ZNF101: variants seen among roughly 807,000 people sequenced by gnomAD.
ZNF101 encodes zinc finger protein 101 (Y2).
A neutral mutation model predicts 42.6 loss-of-function variants in ZNF101; 34 were observed. The ratio of observed to expected loss-of-function variants is 0.80; its 90% CI spans 0.61 to 1.06. The LOEUF is 1.06. Ranked by LOEUF, ZNF101 falls within the 50% of genes least tolerant of loss-of-function variation. The probability of loss-of-function intolerance (pLI) is 0.00; values close to 1 mark genes in which losing one functional copy is unlikely to be tolerated. For missense variants in ZNF101, 466 were observed against 530.9 expected (o/e 0.88, Z 1.20); for synonymous variants, 158 against 183.9 (o/e 0.86, Z 1.14).
chr19:19,683,126 A>T lies in ZNF101; in HGVS notation c.*2826A>T, dbSNP rs1047302861. ...GGCCCATGAGTCTTTATTAATAGAG[A>T]TTTCTTACTGGTGTTATGTGGCAGA... is the stretch of plus-strand genomic sequence containing the variant. On this transcript the variant is annotated 3_prime_UTR_variant, in exon 4 of 4. Transcript: ENST00000592502. 1 of 151,982 alleles carries T rather than the reference A, an allele frequency of 6.6e-6. No individual in the cohort carries two copies. Among genetic ancestry groups the T allele is most frequent in the East Asian group, 1.9e-4 (1 of 5,176 alleles). The allele number at this position is 151,982 out of a possible 1,614,324, so 9.4% of individuals were successfully genotyped here. A position where few individuals can be genotyped will look rare whatever the true frequency, so the allele number is the denominator to read the frequency against.
chr19:19,668,760 G>T (rs2062148803), upstream of ZNF101: 1 of 571,686 alleles, frequency 1.7e-6, no homozygotes, highest in South Asian at 2.5e-5. Context: ...GCGCTGTGCG[G>T]CAAACTGTCC....
In ZNF101 at chr19:19,679,797, A is replaced by G. The variant is rs571746645; in HGVS notation, c.808A>G (p.Thr270Ala). ...KAFISAGYLR[T>A]HEIRSHALEK... ...CTTCATTTCCGCAGGTTACCTTCGG[A>G]CACATGAAATCAGATCTCACGCGCT... The change falls in exon 4 of 4, where the codon ACA becomes GCA. Residue 270 changes from threonine to alanine, a missense_variant. Physicochemically the swap from Thr to Ala is moderately conservative, Grantham distance 58. Coordinates refer to ENST00000592502, the MANE Select transcript of ZNF101 (RefSeq NM_033204.4). 6.2e-7 allele frequency: 1 copy of G among 1,613,736 alleles called. No homozygotes were observed. The highest frequency in any genetic ancestry group is 2.2e-5 in the East Asian group (1 of 44,842).
In ZNF101 at chr19:19,682,434, T is replaced by A. The variant is rs1419708576; in HGVS notation, c.*2134T>A. On this transcript the variant is annotated 3_prime_UTR_variant, in exon 4 of 4. Coordinates refer to ENST00000592502, the MANE Select transcript of ZNF101 (RefSeq NM_033204.4). ...CAGGGTTTTTCCACATTGGCCAGGC[T>A]GGTCTTGAACTCCTGACCTCAAGGA... 6.6e-6 allele frequency: 1 copy of A among 152,164 alleles called. No homozygotes were observed. Among genetic ancestry groups the A allele is most frequent in the Non-Finnish European group, 1.5e-5 (1 of 68,040 alleles). 9.4% of individuals were successfully genotyped at this position (152,164 alleles called of 1,614,324 possible).
rs2062229786 is a variant in ZNF101 at position 19,680,021 on chromosome 19, T to C, written c.1032T>C (p.Gly344=). 1 of 1,614,098 alleles carries C rather than the reference T, an allele frequency of 6.2e-7. No individual in the cohort carries two copies. Among genetic ancestry groups the C allele is most frequent in the African/African-American group, 1.3e-5 (1 of 75,032 alleles). Residue 344 remains glycine, a synonymous_variant, in exon 4 of 4, where the codon GGT becomes GGC. Transcript: ENST00000592502. ...GACCTTATGAATGTAATAAATGTGG[T>C]AAAACCTTCAATTATCCCAGTTGTT... ...GERPYECNKC[G]KTFNYPSCFR...
chr19:19,678,280 T>C (rs1489588218), intron 2 of ZNF101, among the ~76,000 whole-genome samples: 1 of 150,518 alleles, frequency 6.6e-6, no homozygotes, highest in Non-Finnish European at 1.5e-5. Flanking sequence ...CTCATGCCTA[T>C]AATCCCAGCA....
rs1407147189 is a variant in ZNF101, at chr19:19,681,837, A to G, written c.*1537A>G. The G allele has an allele frequency of 6.6e-6, 1 of 152,124 alleles. No homozygotes were observed. Among genetic ancestry groups the G allele is most frequent in the Non-Finnish European group, 1.5e-5 (1 of 68,036 alleles). 9.4% of individuals were successfully genotyped at this position (152,124 alleles called of 1,614,324 possible). ...GCCTGATGCAAATTAATTATTATAT[A>G]ATGCTCAAAAACTTAATCATGAATG... On this transcript the variant is annotated 3_prime_UTR_variant, in exon 4 of 4. Transcript: ENST00000592502.
chr19:19,669,013 C>T (rs781053785), intron 1 of ZNF101, 47 bp downstream of exon 1: 2 of 1,563,532 alleles, frequency 1.3e-6, no homozygotes, highest in Non-Finnish European at 1.7e-6. Flanking sequence ...AGGAGCTGGT[C>T]GGAACCGGCA....
chr19:19,679,607 C>T lies in ZNF101; in HGVS notation c.618C>T (p.Phe206=), dbSNP rs2145059590. The change falls in exon 4 of 4, where the codon TTC becomes TTT. Residue 206 remains phenylalanine, a synonymous_variant. Coordinates refer to ENST00000592502, the MANE Select transcript of ZNF101 (RefSeq NM_033204.4). The stretch of plus-strand genomic sequence containing the variant: ...AATGTAGGGAAATAGTGAGAGCCTT[C>T]ACAGTTTCCAGTTTCTTTCGAAAAC... The part of the protein sequence containing the change: ...SYKCREIVRA[F]TVSSFFRKHG... 1 of 1,613,210 alleles carries T rather than the reference C, an allele frequency of 6.2e-7. No individual in the cohort carries two copies.
chr19:19,679,049 C>T lies in ZNF101; in HGVS notation c.192-132C>T, dbSNP rs2062219959. The T allele has an allele frequency of 2.8e-6, 4 of 1,417,638 alleles. No homozygotes were observed. The East Asian group carries it at 7.3e-5, about 26-fold the overall frequency. 87.8% of individuals were successfully genotyped at this position (1,417,638 alleles called of 1,614,324 possible). A position where few individuals can be genotyped will look rare whatever the true frequency, so the allele number is the denominator to read the frequency against. Reference sequence around the variant, plus strand: ...GCAGAATCATCAATACACTTCCTTTCTAATAATTCTGACCCAGGAGAAAAC... The same window carrying T: ...GCAGAATCATCAATACACTTCCTTTTTAATAATTCTGACCCAGGAGAAAAC... On this transcript the variant is annotated intron_variant, in intron 3 of 3. Coordinates refer to ENST00000592502, the MANE Select transcript of ZNF101 (RefSeq NM_033204.4).
At chr19:19,668,813 G>T (rs2062149390), upstream of ZNF101, 3 of 970,716 alleles carry the variant, frequency 3.1e-6, no homozygotes, top group Non-Finnish European at 4.4e-6. Flanking sequence ...AAAGCCCGAA[G>T]CGGTCTCATT....
chr19:19,678,050 G>A, intron 2 of ZNF101, 60 bp downstream of exon 2: 1 of 1,582,758 alleles, frequency 6.3e-7, no homozygotes, highest in Non-Finnish European at 8.6e-7. Flanking sequence ...GGTCACCAGT[G>A]TGGTTGCACA....
At position 19,668,878 on chromosome 19, in the gene ZNF101, G is replaced by C; in HGVS notation, c.-86G>C. On this transcript the variant is annotated 5_prime_UTR_variant, in exon 1 of 4. Transcript: ENST00000592502. ...TTTAGTTCCTCGGGGAGCCCCTGGT[G>C]CCCCGGATACGGCTGATTTTGTCGT... The C allele has an allele frequency of 6.8e-7, 1 of 1,477,838 alleles. No individual in the cohort carries two copies. The highest frequency in any genetic ancestry group is 2.7e-5 in the East Asian group (1 of 37,224). The allele number at this position is 1,477,838 out of a possible 1,614,324, so 91.5% of individuals were successfully genotyped here.
At chr19:19,676,169 A>G (rs1246227635) in intron 1 of ZNF101, 1 of 152,148 alleles carries the variant, frequency 6.6e-6, no homozygotes, top group Admixed American at 6.6e-5. Context: ...GACACCTGCT[A>G]ACATACCCTG....
rs546340818 is a variant in ZNF101 at position 19,675,981 on chromosome 19, G to A, written c.4-1883G>A. ...ACTGCACTCTAGTCTGGACAACAGA[G>A]TGAGATCCTATCTCAAAAAATATTA... On this transcript the variant is annotated intron_variant, in intron 1 of 3. Coordinates refer to ENST00000592502, the MANE Select transcript of ZNF101 (RefSeq NM_033204.4). Among the ~76,000 whole-genome samples, 8 of 152,238 alleles carry A rather than the reference G, an allele frequency of 5.3e-5. No individual in the cohort carries two copies. The South Asian group carries it at 1.7e-3, about 32-fold the overall frequency.
At chr19:19,673,636 G>A (rs1026883948) in intron 1 of ZNF101, among the ~76,000 whole-genome samples, 1 of 143,458 alleles carries the variant, frequency 7.0e-6, no homozygotes, top group Non-Finnish European at 1.5e-5. Context: ...TGTTTTTAGT[G>A]TACAAGTAGT....
intron 1 of ZNF101, among the ~76,000 whole-genome samples, chr19:19,675,055 T>C (rs1193978459): frequency 1.3e-5 from 2 of 151,932 alleles, no homozygotes; most frequent in East Asian, 3.9e-4. Flanking sequence ...TTCCTGACCT[T>C]GTGATCCACC....
rs751532569 is a variant in ZNF101 at position 19,677,884 on chromosome 19, T to A, written c.24T>A (p.Asp8Glu). 1.2e-6 allele frequency: 2 copies of A among 1,611,964 alleles called. No individual in the cohort carries two copies. The highest frequency in any genetic ancestry group is 1.7e-6 in the Non-Finnish European group (2 of 1,178,676). MDSVAFE[D>E]VAVNFTQEEW... Reference sequence around the variant, plus strand: ...TTCAGGACTCAGTGGCCTTTGAGGATGTGGCTGTGAACTTCACCCAGGAGG... The same window carrying A: ...TTCAGGACTCAGTGGCCTTTGAGGAAGTGGCTGTGAACTTCACCCAGGAGG... Residue 8 changes from aspartate to glutamate, a missense_variant, in exon 2 of 4, where the codon GAT (aspartate) becomes GAA (glutamate). Coordinates refer to ENST00000592502, the MANE Select transcript of ZNF101 (RefSeq NM_033204.4).
Position 19,680,068 on chromosome 19 carries a change from A to G in ZNF101, c.1079A>G (p.His360Arg). ...PSCFRRHKKT[H>R]SGEKPYECTR... is the part of the protein sequence containing the mutation. ...TGTTTTCGAAGACATAAAAAAACTC[A>G]TAGTGGAGAAAAGCCATATGAATGT... is the stretch of plus-strand genomic sequence containing the variant. The change falls in exon 4 of 4, where the codon CAT becomes CGT. Residue 360 changes from histidine (H) to arginine (R), a missense_variant. By Grantham distance (29) the His-to-Arg change is conservative. Coordinates refer to ENST00000592502, the MANE Select transcript of ZNF101 (RefSeq NM_033204.4). The G allele has an allele frequency of 1.3e-6, 2 of 1,523,730 alleles. No homozygotes were observed. The highest frequency in any genetic ancestry group is 1.8e-6 in the Non-Finnish European group (2 of 1,100,926). The allele number at this position is 1,523,730 out of a possible 1,614,324, so 94.4% of individuals were successfully genotyped here. A position where few individuals can be genotyped will look rare whatever the true frequency, so the allele number is the denominator to read the frequency against.
chr19:19,673,234 AGCCAATGTGCTG>A (rs953801282), intron 1 of ZNF101, among the ~76,000 whole-genome samples: 6 of 143,024 alleles, frequency 4.2e-5, no homozygotes, highest in African/African-American at 1.6e-4. Context: ...TACAGATATG[AGCCAATGTGCTG>A]GCTTTTTTTT....
Sources: allele counts gnomAD v4.1 joint callset (sites outside exome capture counted in the v4.1 genomes callset), GRCh38; gene constraint gnomAD v4.1.1; transcripts MANE v1.5; gene names NCBI Gene and HGNC (gene_info 2026-07-23, HGNC 2026-07-21).